NUP58: variants seen among roughly 807,000 people sequenced by gnomAD.
The protein encoded by NUP58 is nucleoporin p58/p45.
In NUP58, 17 loss-of-function variants were observed where a neutral mutation model predicts 70.1. The observed-to-expected ratio is 0.24, with a 90% CI of 0.17 to 0.36. NUP58 has a LOEUF of 0.36. NUP58 is among the 10% of genes least tolerant of loss of function. The probability of loss-of-function intolerance (pLI) is 1.00; values close to 1 mark genes in which losing one functional copy is unlikely to be tolerated. For synonymous variants in NUP58, 275 were observed against 257.6 expected (o/e 1.07, Z -0.65); for missense variants, 644 against 701.5 (o/e 0.92, Z 0.93).
At chr13:25,305,149 T>G (rs796439766) in intron 1 of NUP58, among the ~76,000 whole-genome samples, 21 of 115,930 alleles carry the variant, frequency 1.8e-4, no homozygotes, top group Admixed American at 3.3e-4. Flanking sequence ...TTTTTTTTTT[T>G]TTTTTTTTTT....
intron 3 of NUP58, among the ~76,000 whole-genome samples, chr13:25,311,965 G>A (rs908313619): frequency 6.6e-6 from 1 of 152,136 alleles, no homozygotes; most frequent in Non-Finnish European, 1.5e-5. Context: ...TGTTTGTGGT[G>A]AGATATGTAG....
downstream of NUP58, among the ~76,000 whole-genome samples, chr13:25,346,359 T>G (rs575422154): frequency 6.6e-6 from 1 of 152,188 alleles, no homozygotes; most frequent in Admixed American, 6.5e-5. Context: ...AGGCAGTCTA[T>G]GTAGAGTCTA....
At chr13:25,303,444 CTTTTTT>C (rs66496714) in intron 1 of NUP58, among the ~76,000 whole-genome samples, 2 of 146,798 alleles carry the variant, frequency 1.4e-5, no homozygotes, top group African/African-American at 5.0e-5. Context: ...TTTTCTATTT[CTTTTTT>C]TTTTTAATGT....
intron 14 of NUP58, among the ~76,000 whole-genome samples, chr13:25,338,029 T>C (rs982689270): frequency 7.9e-5 from 12 of 152,170 alleles, no homozygotes; most frequent in African/African-American, 2.9e-4. Context: ...AAGATAGTAT[T>C]GTTAAGAGAA....
At chr13:25,349,390 A>T (rs2032082643) in intron 3 of NUP58, among the ~76,000 whole-genome samples, 1 of 152,218 alleles carries the variant, frequency 6.6e-6, no homozygotes, top group Non-Finnish European at 1.5e-5. Context: ...GTTATTTAAC[A>T]TCTTTGTGCC....
chr13:25,336,522 A>G (rs967891590), intron 13 of NUP58, among the ~76,000 whole-genome samples: 2 of 152,160 alleles, frequency 1.3e-5, no homozygotes, highest in African/African-American at 2.4e-5. Flanking sequence ...CGATTAAAAA[A>G]AGTAAAAACC....
intron 9 of NUP58, among the ~76,000 whole-genome samples, chr13:25,322,158 T>C (rs1160618891): frequency 6.6e-6 from 1 of 152,244 alleles, no homozygotes; most frequent in East Asian, 1.9e-4. Context: ...GTCCCTGATC[T>C]GTTAATGAAC....
intron 13 of NUP58, 24 bp downstream of exon 13, chr13:25,331,582 C>G (rs1440665109): frequency 6.2e-7 from 1 of 1,608,834 alleles, no homozygotes; most frequent in East Asian, 2.2e-5. Flanking sequence ...CAAGTTATAG[C>G]TTCTTACTGT....
At chr13:25,342,547 A>G (rs575435187), downstream of NUP58, 8 of 152,706 alleles carry the variant, frequency 5.2e-5, no homozygotes, top group South Asian at 1.4e-3. Flanking sequence ...AAGAGTGAAC[A>G]TAAGATAGTA....
intron 1 of NUP58, among the ~76,000 whole-genome samples, chr13:25,305,353 G>A (rs549345475): frequency 4.0e-5 from 6 of 151,614 alleles, no homozygotes; most frequent in Non-Finnish European, 5.9e-5. Flanking sequence ...TGTTTTTTCG[G>A]TAGAGAGAGT....
chr13:25,330,510 A>G (rs2031564301), intron 12 of NUP58, among the ~76,000 whole-genome samples: 5 of 152,242 alleles, frequency 3.3e-5, no homozygotes. Context: ...TCTGCTAAGA[A>G]ATGTAAGAAA....
At chr13:25,314,683 G>A (rs1264993971) in intron 5 of NUP58, among the ~76,000 whole-genome samples, 3 of 151,990 alleles carry the variant, frequency 2.0e-5, no homozygotes, top group South Asian at 2.1e-4. Context: ...CAACAAGAGC[G>A]AAACTCCATC....
intron 5 of NUP58, 139 bp downstream of exon 5, chr13:25,313,890 G>A (rs147673459): frequency 1.4e-5 from 8 of 591,588 alleles, no homozygotes; most frequent in African/African-American, 9.9e-5. Context: ...TAAAATGATG[G>A]TTTTCATACA....
At chr13:25,347,895 TCGAG>T (rs2032068837) in intron 3 of NUP58, among the ~76,000 whole-genome samples, 3 of 151,816 alleles carry the variant, frequency 2.0e-5, no homozygotes, top group Non-Finnish European at 4.4e-5. Flanking sequence ...CCTTCTGGTG[TCGAG>T]AATTTCTACT....
chr13:25,336,293 T>TC, intron 13 of NUP58: 2 of 1,314,350 alleles, frequency 1.5e-6, no homozygotes, highest in Non-Finnish European at 2.1e-6. Context: ...ATTGTCATGT[T>TC]ACTGTGTAAT....
intron 1 of NUP58, among the ~76,000 whole-genome samples, chr13:25,302,252 C>T (rs1000787050): frequency 1.3e-5 from 2 of 152,226 alleles, no homozygotes; most frequent in African/African-American, 4.8e-5. Context: ...GAAATTATAG[C>T]ATACTGTGGA....
At chr13:25,327,867 G>A (rs2031456107) in intron 12 of NUP58, among the ~76,000 whole-genome samples, 1 of 151,978 alleles carries the variant, frequency 6.6e-6, no homozygotes, top group Non-Finnish European at 1.5e-5. Context: ...ATATTTAGGT[G>A]GTTTCTATTT....
intron 1 of NUP58, chr13:25,303,075 T>C (rs866586890): frequency 6.6e-6 from 3 of 456,650 alleles, no homozygotes; most frequent in African/African-American, 4.0e-5. Context: ...TTGTCAGATT[T>C]TTAACCAGCT....
rs2030445851 is a variant in NUP58, at chr13:25,307,795, C to T, written c.108-11C>T. ...TGTGATTTTTGTTTTGTTTTTGTTT[C>T]TTTAAATAAGCAACCCTTCTGTGGG... On this transcript the variant is annotated splice_polypyrimidine_tract_variant and intron_variant, in intron 1 of 15. Coordinates refer to ENST00000381736, the MANE Select transcript of NUP58 (RefSeq NM_014089.4). 3 of 1,612,496 alleles carry T rather than the reference C, an allele frequency of 1.9e-6. No individual in the cohort carries two copies. Among genetic ancestry groups the T allele is most frequent in the Non-Finnish European group, 2.5e-6 (3 of 1,179,416 alleles).
Sources: gnomAD v4.1 joint callset for allele counts (sites outside exome capture counted in the v4.1 genomes callset) on GRCh38, gnomAD v4.1.1 for gene constraint, MANE v1.5 for transcripts, NCBI Gene and HGNC (gene_info 2026-07-23, HGNC 2026-07-21) for gene names.